TGFA: variants seen among roughly 807,000 people sequenced by gnomAD.
TGFA encodes protransforming growth factor alpha.
Under a neutral mutation model 21.7 loss-of-function variants are expected in TGFA, and 12 were observed. The observed-to-expected ratio is 0.55, with a 90% confidence interval of 0.35 to 0.90. TGFA has a LOEUF of 0.90. TGFA is among the 40% of genes least tolerant of loss of function. The pLI, the probability that TGFA is intolerant of heterozygous loss-of-function variation, is 0.01. For synonymous variants in TGFA, 79 were observed against 88.1 expected (o/e 0.90, Z 0.58); for missense variants, 178 against 210.8 (o/e 0.84, Z 0.96).
intron 2 of TGFA, among the ~76,000 whole-genome samples, chr2:70,512,462 C>T (rs1255050476): frequency 6.6e-6 from 1 of 152,144 alleles, no homozygotes; most frequent in African/African-American, 2.4e-5. Flanking sequence ...CACCTCAGGC[C>T]CCCGAGTGGC....
At chr2:70,553,441 C>T in intron 1 of TGFA, 2 of 1,420,972 alleles carry the variant, frequency 1.4e-6, no homozygotes, top group Non-Finnish European at 1.8e-6. Flanking sequence ...ACAGCTGCGG[C>T]GGATTAAAGT....
At chr2:70,528,481 G>A (rs1553503227) in intron 1 of TGFA, among the ~76,000 whole-genome samples, 1 of 151,566 alleles carries the variant, frequency 6.6e-6, no homozygotes, top group African/African-American at 2.4e-5. Context: ...GAAAAGGCAG[G>A]GGTTGGGGGA....
intron 2 of TGFA, among the ~76,000 whole-genome samples, chr2:70,474,198 G>A (rs966196472): frequency 1.3e-5 from 2 of 152,160 alleles, no homozygotes; most frequent in Non-Finnish European, 2.9e-5. Flanking sequence ...AGCACCCTGT[G>A]GGGTTAGCAT....
At chr2:70,494,981 G>A (rs1026431333) in intron 2 of TGFA, among the ~76,000 whole-genome samples, 2 of 152,108 alleles carry the variant, frequency 1.3e-5, no homozygotes, top group Non-Finnish European at 2.9e-5. Context: ...TTCCTTTATG[G>A]TTTCTGTTTT....
chr2:70,545,925 GA>G lies in TGFA; in HGVS notation c.40+7802del, dbSNP rs529087931. 3.1e-3 allele frequency among the ~76,000 whole-genome samples: 476 copies of G among 152,130 alleles called. 1 individual carries two copies. Among genetic ancestry groups the G allele is most frequent in the African/African-American group, 0.01 (423 of 41,520 alleles). ...CAAGAAAAGGATGATCAATCAATAAGAAAAAAATTTTTAAAGGTTAAGATGC... is the reference window on the plus strand; with the variant it reads ...CAAGAAAAGGATGATCAATCAATAAGAAAAAATTTTTAAAGGTTAAGATGC... On this transcript the variant is annotated intron_variant, in intron 1 of 5. Transcript: ENST00000295400.
chr2:70,514,994 T>A (rs1212540033), intron 1 of TGFA, 82 bp from the exon 2 acceptor site: 1 of 1,363,260 alleles, frequency 7.3e-7, no homozygotes, highest in Non-Finnish European at 1.0e-6. Flanking sequence ...GCAGGCCCTT[T>A]GACAGGCAAA....
intron 1 of TGFA, among the ~76,000 whole-genome samples, chr2:70,550,954 G>A (rs4574141): frequency 6.6e-6 from 1 of 152,008 alleles, no homozygotes; most frequent in African/African-American, 2.4e-5. Flanking sequence ...GATATTTTTC[G>A]AAGGAATGGT....
Position 70,481,465 on chromosome 2 carries a change from TC to T in TGFA, c.95-15730del, listed in dbSNP as rs1671117765. On this transcript the variant is annotated intron_variant, in intron 2 of 5. Transcript: ENST00000295400. ...CCTTGGAAGCCACACAGAATAAGTC[TC>T]CCTCTTCTATACAGCAGTCCTTTCC... Among the ~76,000 whole-genome samples the T allele has an allele frequency of 2.0e-5, 3 of 152,298 alleles. No individual in the cohort carries two copies. The South Asian group carries it at 6.2e-4, about 32-fold the overall frequency.
chr2:70,542,587 T>C (rs927757219), intron 1 of TGFA, among the ~76,000 whole-genome samples: 13 of 152,214 alleles, frequency 8.5e-5, no homozygotes, highest in African/African-American at 3.1e-4. Flanking sequence ...GTTGTGCACC[T>C]AATGGACACA....
Position 70,521,613 on chromosome 2 carries a change from G to GTTTTTTTTTTTT in TGFA, c.41-6702_41-6701insAAAAAAAAAAAA, listed in dbSNP as rs59567780. On this transcript the variant is annotated intron_variant, in intron 1 of 5. Transcript: ENST00000295400. ...TTGATAGTTTTTTTTGTTGTTGTTT[G>GTTTTTTTTTTTT]TTTGTTTTTTTTTTTTTTTTTTTTT... is the stretch of plus-strand genomic sequence containing the variant. Among the ~76,000 whole-genome samples the GTTTTTTTTTTTT allele has an allele frequency of 4.3e-3, 315 of 73,960 alleles. 13 individuals carry two copies. Among genetic ancestry groups the GTTTTTTTTTTTT allele is most frequent in the Middle Eastern group, 7.9e-3 (1 of 126 alleles). 48.5% of individuals were successfully genotyped at this position (73,960 alleles called of 152,430 possible). A position where few individuals can be genotyped will look rare whatever the true frequency, so the allele number is the denominator to read the frequency against.
chr2:70,503,105 C>T (rs1671787589), intron 2 of TGFA, among the ~76,000 whole-genome samples: 1 of 152,130 alleles, frequency 6.6e-6, no homozygotes, highest in African/African-American at 2.4e-5. Context: ...AATCATGCTG[C>T]TATAAAGACA....
chr2:70,448,505 A>AT lies in TGFA; in HGVS notation c.*2353dup, dbSNP rs1301301210. ...CTTGCAGAGATGGATTAGAAGATGC[A>AT]TTTTTAACTTGAAATGGAGTATTTT... On this transcript the variant is annotated 3_prime_UTR_variant, in exon 6 of 6. Transcript: ENST00000295400. 3.3e-5 allele frequency: 5 copies of AT among 152,206 alleles called. No individual in the cohort carries two copies. Among genetic ancestry groups the AT allele is most frequent in the African/African-American group, 1.2e-4 (5 of 41,448 alleles). 9.4% of individuals were successfully genotyped at this position (152,206 alleles called of 1,614,324 possible).
At chr2:70,483,750 G>A (rs1396635092) in intron 2 of TGFA, among the ~76,000 whole-genome samples, 1 of 152,108 alleles carries the variant, frequency 6.6e-6, no homozygotes, top group Admixed American at 6.5e-5. Flanking sequence ...CTGTCCTTCA[G>A]TTTTCCTGAC....
intron 1 of TGFA, among the ~76,000 whole-genome samples, chr2:70,540,069 A>G (rs1221562226): frequency 6.6e-6 from 1 of 152,192 alleles, no homozygotes; most frequent in Non-Finnish European, 1.5e-5. Context: ...CAGGTTCACC[A>G]TGCCTTTCAG....
chr2:70,461,031 G>A lies in TGFA; in HGVS notation c.216-4543C>T, dbSNP rs1670390968. On this transcript the variant is annotated intron_variant, in intron 3 of 5. Coordinates refer to ENST00000295400, the MANE Select transcript of TGFA (RefSeq NM_003236.4). ...AGTCCAGTGGCTCTTGTCATAGGCA[G>A]CAATTGCTCTCTATATATTATCATC... Among the ~76,000 whole-genome samples, 2 of 152,122 alleles carry A rather than the reference G, an allele frequency of 1.3e-5. 1 individual carries two copies. The highest frequency in any genetic ancestry group is 4.1e-4 in the South Asian group (2 of 4,824).
At chr2:70,460,732 C>T (rs1223025428) in intron 3 of TGFA, among the ~76,000 whole-genome samples, 4 of 152,170 alleles carry the variant, frequency 2.6e-5, no homozygotes, top group Non-Finnish European at 5.9e-5. Context: ...ATACTCCTTC[C>T]AGCAGGACCT....
intron 2 of TGFA, among the ~76,000 whole-genome samples, chr2:70,502,940 A>G (rs1161396589): frequency 1.3e-5 from 2 of 152,144 alleles, no homozygotes; most frequent in African/African-American, 4.8e-5. Flanking sequence ...TGTTATCTCC[A>G]CATTACAGAT....
chr2:70,520,605 A>T (rs1387361832), intron 1 of TGFA, among the ~76,000 whole-genome samples: 2 of 152,114 alleles, frequency 1.3e-5, no homozygotes, highest in Non-Finnish European at 2.9e-5. Context: ...AAAAAAGAGA[A>T]ATCTGAGACC....
In TGFA at chr2:70,497,981, T is replaced by C. The variant is rs782109519; in HGVS notation, c.94+16878A>G. Among the ~76,000 whole-genome samples the C allele has an allele frequency of 7.4e-4, 112 of 152,356 alleles. 1 individual carries two copies. The highest frequency in any genetic ancestry group is 5.2e-4 in the Admixed American group (8 of 15,306). ...AACAGCTTATTCCAGCATTAACTCTTAGCTCTGCCAATGGAAGAAAGCCAA... is the reference window on the plus strand; with the variant it reads ...AACAGCTTATTCCAGCATTAACTCTCAGCTCTGCCAATGGAAGAAAGCCAA... On this transcript the variant is annotated intron_variant, in intron 2 of 5. Transcript: ENST00000295400.
Sources: allele counts gnomAD v4.1 joint callset (sites outside exome capture counted in the v4.1 genomes callset), GRCh38; gene constraint gnomAD v4.1.1; transcripts MANE v1.5; gene names NCBI Gene and HGNC (gene_info 2026-07-23, HGNC 2026-07-21).